DBX2: variants seen among roughly 807,000 people sequenced by gnomAD.
DBX2 encodes homeobox protein DBX2.
Under a neutral mutation model 17.7 loss-of-function variants are expected in DBX2, and 16 were observed. That is an observed-to-expected ratio of 0.90 (90% CI 0.61 to 1.37). The LOEUF (loss-of-function observed/expected upper bound fraction) is 1.37, where lower values mean the gene tolerates loss of function less well. Among genes scored for constraint, DBX2 ranks in the 40% most tolerant of loss-of-function variants. The probability of loss-of-function intolerance (pLI) is 0.00; values close to 1 mark genes in which losing one functional copy is unlikely to be tolerated. For missense variants in DBX2, 538 were observed against 433.8 expected (o/e 1.24, Z -2.13); for synonymous variants, 255 against 183.8 (o/e 1.39, Z -3.13).
intron 1 of DBX2, among the ~76,000 whole-genome samples, chr12:45,048,691 A>T (rs1946513198): frequency 6.6e-6 from 1 of 152,210 alleles, no homozygotes. Flanking sequence ...ATGAGATTTT[A>T]GTTTTCTTCT....
rs868354732 is a variant in DBX2 at position 45,050,453 on chromosome 12, G to A, written c.403+72C>T. On this transcript the variant is annotated intron_variant, in intron 1 of 3. Transcript: ENST00000332700. ...CCTGGGCGCAGTGCGCACCGCCGGC[G>A]CTCCCAGATCCCTGGACCACCCGGC... 6.6e-6 allele frequency: 10 copies of A among 1,509,740 alleles called. No homozygotes were observed. The Admixed American group carries it at 1.5e-4, about 23-fold the overall frequency. 93.5% of individuals were successfully genotyped at this position (1,509,740 alleles called of 1,614,324 possible).
intron 2 of DBX2, among the ~76,000 whole-genome samples, chr12:45,025,087 A>G (rs1442635475): frequency 6.6e-6 from 1 of 152,220 alleles, no homozygotes; most frequent in East Asian, 1.9e-4. Context: ...GAACCTGTGA[A>G]TATGTTATGT....
intron 3 of DBX2, 90 bp downstream of exon 3, chr12:45,023,617 T>G: frequency 6.8e-7 from 1 of 1,463,624 alleles, no homozygotes; most frequent in Non-Finnish European, 9.3e-7. Flanking sequence ...TCAGAAGCAG[T>G]TGCCTACGGC....
In DBX2 at chr12:45,016,142, G is replaced by T; in HGVS notation, c.*144C>A. Reference sequence around the variant, plus strand: ...TCTAGGGCCAAACAAGAGAACACTAGAGTGGGTTTCCTAAAGCATTAGTTC... The same window carrying T: ...TCTAGGGCCAAACAAGAGAACACTATAGTGGGTTTCCTAAAGCATTAGTTC... On this transcript the variant is annotated 3_prime_UTR_variant, in exon 4 of 4. Transcript: ENST00000332700. 1.2e-6 allele frequency: 1 copy of T among 807,252 alleles called. No homozygotes were observed. The highest frequency in any genetic ancestry group is 1.8e-6 in the Non-Finnish European group (1 of 548,144). 50.0% of individuals were successfully genotyped at this position (807,252 alleles called of 1,614,324 possible).
chr12:45,041,432 A>T (rs1209916618), intron 1 of DBX2, among the ~76,000 whole-genome samples: 1 of 152,158 alleles, frequency 6.6e-6, no homozygotes, highest in Non-Finnish European at 1.5e-5. Flanking sequence ...AATAGTTAGA[A>T]CAAAGAAATA....
intron 2 of DBX2, among the ~76,000 whole-genome samples, chr12:45,029,273 ATAT>A (rs1168080494): frequency 7.2e-5 from 11 of 152,306 alleles, no homozygotes; most frequent in African/African-American, 2.4e-4. Context: ...CAATTCGAGG[ATAT>A]TATTATTATG....
At chr12:45,038,919 A>G (rs1946454594) in intron 1 of DBX2, among the ~76,000 whole-genome samples, 1 of 152,060 alleles carries the variant, frequency 6.6e-6, no homozygotes, top group South Asian at 2.1e-4. Context: ...AATTGCAAAA[A>G]AAGTAATCAT....
Position 45,050,642 on chromosome 12 carries a change from C to G in DBX2, c.286G>C (p.Gly96Arg), listed in dbSNP as rs1367175390. ...GCCCACCGCGTTCCGTAGGGCGCCC[C>G]GGCGGGGCTAACTTGTTCGGCTGCG... is the stretch of plus-strand genomic sequence containing the variant. ...CPAAEQVSPA[G>R]APYGTRWAFQ... Residue 96 changes from glycine (G) to arginine (R), a missense_variant, in exon 1 of 4, where the codon GGG becomes CGG. Transcript: ENST00000332700. 8 of 1,549,840 alleles carry G rather than the reference C, an allele frequency of 5.2e-6. No homozygotes were observed.
chr12:45,032,111 G>T (rs898412825), intron 2 of DBX2, among the ~76,000 whole-genome samples: 2 of 151,482 alleles, frequency 1.3e-5, no homozygotes, highest in Admixed American at 1.3e-4. Flanking sequence ...TAGAACTGCT[G>T]AATAGAGCCA....
intron 3 of DBX2, among the ~76,000 whole-genome samples, chr12:45,021,687 T>C (rs1946352907): frequency 6.6e-6 from 1 of 152,180 alleles, no homozygotes; most frequent in Non-Finnish European, 1.5e-5. Flanking sequence ...CAACAGCTCC[T>C]CTGAGATCAG....
In DBX2 at chr12:45,022,211, C is replaced by T. The variant is rs141968434; in HGVS notation, c.687+1496G>A. Among the ~76,000 whole-genome samples the T allele has an allele frequency of 6.1e-3, 924 of 151,126 alleles. 12 individuals are homozygous for T. The highest frequency in any genetic ancestry group is 0.021 in the African/African-American group (862 of 41,294). On this transcript the variant is annotated intron_variant, in intron 3 of 3. Transcript: ENST00000332700. ...CAATTACCCTCTACCACACCTCGTG[C>T]GGCTTCCTACTACTTGACAAAGTTG...
Position 45,023,555 on chromosome 12 carries a change from G to C in DBX2, c.687+152C>G. On this transcript the variant is annotated intron_variant, in intron 3 of 3. Coordinates refer to ENST00000332700, the MANE Select transcript of DBX2 (RefSeq NM_001004329.3). The stretch of plus-strand genomic sequence containing the variant: ...CACCTCAGGCTCCAGTACCATGCCT[G>C]GTATAAGAAATATTTGCTAAATAAA... The C allele has an allele frequency of 3.2e-6, 3 of 948,196 alleles. No homozygotes were observed. In the South Asian group the frequency reaches 4.9e-5, roughly 15 times the overall value. The allele number at this position is 948,196 out of a possible 1,614,324, so 58.7% of individuals were successfully genotyped here.
Position 45,050,769 on chromosome 12 carries a change from C to T in DBX2, c.159G>A (p.Arg53=). The T allele has an allele frequency of 1.3e-6, 2 of 1,510,942 alleles. No homozygotes were observed. The highest frequency in any genetic ancestry group is 1.4e-5 in the African/African-American group (1 of 69,298). The allele number at this position is 1,510,942 out of a possible 1,614,324, so 93.6% of individuals were successfully genotyped here. The change falls in exon 1 of 4, where the codon AGG becomes AGA. Residue 53 remains arginine (R), a synonymous_variant. Transcript: ENST00000332700. ...GGTCGTGGGGCGCGGGCGGCTGCAG[C>T]CTGGGCGTTGGGGCGCCCCCGACCC... ...LLRVGGAPTP[R]LQPPAPHDPA... is the part of the protein sequence containing the mutation.
intron 1 of DBX2, among the ~76,000 whole-genome samples, chr12:45,036,606 T>A (rs1261796739): frequency 6.6e-6 from 1 of 152,234 alleles, no homozygotes; most frequent in East Asian, 1.9e-4. Context: ...TTATATTAAA[T>A]AGCACAGCTC....
At position 45,050,622 on chromosome 12, in the gene DBX2, C is replaced by G. The variant is rs571961238; in HGVS notation, c.306G>C (p.Arg102=). ...AGGGACTGAGCACTTGAAAAGCCCACCGCGTTCCGTAGGGCGCCCCGGCGG... is the reference window on the plus strand; with the variant it reads ...AGGGACTGAGCACTTGAAAAGCCCAGCGCGTTCCGTAGGGCGCCCCGGCGG... ...VSPAGAPYGT[R]WAFQVLSPSA... The change falls in exon 1 of 4, where the codon CGG becomes CGC. Residue 102 remains arginine (R), a synonymous_variant. Transcript: ENST00000332700. 37 of 1,550,316 alleles carry G rather than the reference C, an allele frequency of 2.4e-5. No individual in the cohort carries two copies. The East Asian group carries it at 4.6e-4, about 19-fold the overall frequency.
At chr12:45,041,279 A>C (rs1406061352) in intron 1 of DBX2, among the ~76,000 whole-genome samples, 1 of 151,524 alleles carries the variant, frequency 6.6e-6, no homozygotes, top group Non-Finnish European at 1.5e-5. Context: ...GGTTTTAATG[A>C]CCTCTTTCAC....
Position 45,034,144 on chromosome 12 carries a change from G to A in DBX2, c.499+1875C>T, listed in dbSNP as rs991898593. ...CACCCACACCCACACACACACACAC[G>A]CACATGAATGTCTGTCCACCTATTA... is the stretch of plus-strand genomic sequence containing the variant. On this transcript the variant is annotated intron_variant, in intron 2 of 3. Coordinates refer to ENST00000332700, the MANE Select transcript of DBX2 (RefSeq NM_001004329.3). Among the ~76,000 whole-genome samples the A allele has an allele frequency of 4.6e-4, 65 of 141,366 alleles. 1 individual carries two copies. The highest frequency in any genetic ancestry group is 2.1e-3 in the East Asian group (10 of 4,836). 92.7% of individuals were successfully genotyped at this position (141,366 alleles called of 152,430 possible). A position where few individuals can be genotyped will look rare whatever the true frequency, so the allele number is the denominator to read the frequency against.
At chr12:45,042,679 C>T (rs1240778708) in intron 1 of DBX2, among the ~76,000 whole-genome samples, 2 of 152,200 alleles carry the variant, frequency 1.3e-5, no homozygotes, top group African/African-American at 4.8e-5. Context: ...ATGAACACTA[C>T]ATTTGAGAAA....
At chr12:45,047,413 C>T (rs1403285784) in intron 1 of DBX2, among the ~76,000 whole-genome samples, 1 of 152,086 alleles carries the variant, frequency 6.6e-6, no homozygotes, top group Non-Finnish European at 1.5e-5. Context: ...ATGTGCCCCT[C>T]CCTAGCCCTG....
Sources: gnomAD v4.1 joint callset for allele counts (sites outside exome capture counted in the v4.1 genomes callset) on GRCh38, gnomAD v4.1.1 for gene constraint, MANE v1.5 for transcripts, NCBI Gene and HGNC (gene_info 2026-07-23, HGNC 2026-07-21) for gene names.